SYT9: variants seen among roughly 807,000 people sequenced by gnomAD.
SYT9 encodes the protein synaptotagmin-9.
Under a neutral mutation model 48.4 loss-of-function variants are expected in SYT9, and 22 were observed. The ratio of observed to expected loss-of-function variants is 0.45; its 90% CI spans 0.32 to 0.65. The LOEUF (loss-of-function observed/expected upper bound fraction) is 0.65. SYT9 is among the 30% of genes least tolerant of loss of function. The probability of loss-of-function intolerance (pLI) is 0.03; values close to 1 mark genes in which losing one functional copy is unlikely to be tolerated. For synonymous variants in SYT9, 265 were observed against 245.0 expected, an observed-to-expected ratio of 1.08 and a Z score of -0.76; for missense variants, 577 against 622.0, an observed-to-expected ratio of 0.93 and a Z score of 0.77.
chr11:7,328,411 C>T (rs1166451378), intron 3 of SYT9, among the ~76,000 whole-genome samples: 1 of 151,996 alleles, frequency 6.6e-6, no homozygotes, highest in Non-Finnish European at 1.5e-5. Context: ...TTATAAGATA[C>T]AACCTCTGTT....
intron 3 of SYT9, among the ~76,000 whole-genome samples, chr11:7,360,520 A>T (rs947685107): frequency 3.3e-5 from 5 of 152,130 alleles, no homozygotes; most frequent in South Asian, 2.1e-4. Flanking sequence ...TATCCTCTTT[A>T]ATTTCATTGA....
intron 3 of SYT9, among the ~76,000 whole-genome samples, chr11:7,377,534 A>C (rs973510986): frequency 1.3e-5 from 2 of 152,134 alleles, no homozygotes; most frequent in Non-Finnish European, 2.9e-5. Flanking sequence ...GATTCAGTCA[A>C]GGTAGCTTCT....
intron 5 of SYT9, among the ~76,000 whole-genome samples, chr11:7,418,385 C>A (rs1217667514): frequency 1.3e-5 from 2 of 152,208 alleles, no homozygotes; most frequent in African/African-American, 2.4e-5. Flanking sequence ...CATCCTCCCC[C>A]AACCTCCACC....
At chr11:7,338,020 T>C (rs1849657129) in intron 3 of SYT9, among the ~76,000 whole-genome samples, 1 of 152,194 alleles carries the variant, frequency 6.6e-6, no homozygotes, top group Non-Finnish European at 1.5e-5. Context: ...AGGTTATTTA[T>C]TCTTGTTTCA....
chr11:7,465,416 TTA>T (rs1222154232), intron 6 of SYT9, among the ~76,000 whole-genome samples: 1 of 152,232 alleles, frequency 6.6e-6, no homozygotes, highest in Non-Finnish European at 1.5e-5. Flanking sequence ...TGCTACTCTT[TTA>T]TAGTTTACGT....
chr11:7,251,778 A>T (rs1011624585), upstream of SYT9, among the ~76,000 whole-genome samples: 1 of 152,220 alleles, frequency 6.6e-6, no homozygotes, highest in East Asian at 1.9e-4. Context: ...GCGCTCGGCC[A>T]GGAGCCGGGG....
At position 7,367,001 on chromosome 11, in the gene SYT9, C is replaced by G. The variant is rs186717036; in HGVS notation, c.1045-49041C>G. ...CTGATTCTCGTGGATATTCCATGCT[C>G]TGGTGTATACGAAGGTATAAAGAAG... On this transcript the variant is annotated intron_variant, in intron 3 of 6. Transcript: ENST00000318881. Among the ~76,000 whole-genome samples, 4 of 149,434 alleles carry G rather than the reference C, an allele frequency of 2.7e-5. No homozygotes were observed. The East Asian group carries it at 7.9e-4, about 29-fold the overall frequency.
At chr11:7,306,813 T>C (rs1849040964) in intron 2 of SYT9, among the ~76,000 whole-genome samples, 1 of 152,182 alleles carries the variant, frequency 6.6e-6, no homozygotes, top group African/African-American at 2.4e-5. Context: ...ATTAAATTAT[T>C]TTAAGTGATT....
intron 1 of SYT9, among the ~76,000 whole-genome samples, chr11:7,298,064 A>G (rs1240418325): frequency 6.6e-6 from 1 of 151,898 alleles, no homozygotes; most frequent in Non-Finnish European, 1.5e-5. Flanking sequence ...GTTCTAGGGG[A>G]CTTTGTTTTT....
intron 3 of SYT9, among the ~76,000 whole-genome samples, chr11:7,347,614 G>T (rs1479385857): frequency 6.6e-6 from 1 of 152,192 alleles, no homozygotes; most frequent in Non-Finnish European, 1.5e-5. Context: ...AAATAAGCAT[G>T]CTGTGGGAAC....
chr11:7,294,324 T>A (rs1345436613), intron 1 of SYT9, among the ~76,000 whole-genome samples: 1 of 152,200 alleles, frequency 6.6e-6, no homozygotes, highest in African/African-American at 2.4e-5. Flanking sequence ...GCAAACTACA[T>A]TCATTACATC....
Position 7,449,316 on chromosome 11 carries a change from C to T in SYT9, c.1468-17476C>T, listed in dbSNP as rs573064944. ...CCAGCCTGGGCAACAGAGTGAGACT[C>T]CACCTCAAAAAAAAAAAAAAAAAAA... On this transcript the variant is annotated intron_variant, in intron 6 of 6. Coordinates refer to ENST00000318881, the MANE Select transcript of SYT9 (RefSeq NM_175733.4). Among the ~76,000 whole-genome samples the T allele has an allele frequency of 9.1e-5, 11 of 121,216 alleles. No homozygotes were observed. In the East Asian group the frequency reaches 2.3e-3, roughly 25 times the overall value. The allele number at this position is 121,216 out of a possible 152,430, so 79.5% of individuals were successfully genotyped here. A position where few individuals can be genotyped will look rare whatever the true frequency, so the allele number is the denominator to read the frequency against.
chr11:7,368,343 G>T (rs1031137938), intron 3 of SYT9, among the ~76,000 whole-genome samples: 3 of 121,554 alleles, frequency 2.5e-5, no homozygotes, highest in Non-Finnish European at 5.2e-5. Flanking sequence ...TTGGATAATG[G>T]GGTTTTGTTG....
chr11:7,354,094 A>G (rs930149359), intron 3 of SYT9, among the ~76,000 whole-genome samples: 1 of 152,226 alleles, frequency 6.6e-6, no homozygotes, highest in Non-Finnish European at 1.5e-5. Context: ...GAATTAAAAG[A>G]GGGTACCTGT....
chr11:7,252,483 TG>T lies in SYT9; in HGVS notation c.145+154del. On this transcript the variant is annotated intron_variant, in intron 1 of 6. Transcript: ENST00000318881. This position sits in a 1 kb window ranked among gnomAD's most constrained non-coding sequence, Gnocchi z 6.3. ...AGAGTGATCAAGAACCAGCGCACTG[TG>T]GCCTGATGCTGTAACCAGGCGGGGA... The T allele has an allele frequency of 1.1e-6, 1 of 873,978 alleles. No homozygotes were observed. The highest frequency in any genetic ancestry group is 1.6e-6 in the Non-Finnish European group (1 of 643,720). 54.1% of individuals were successfully genotyped at this position (873,978 alleles called of 1,614,324 possible). A position where few individuals can be genotyped will look rare whatever the true frequency, so the allele number is the denominator to read the frequency against.
intron 1 of SYT9, among the ~76,000 whole-genome samples, chr11:7,241,373 C>T (rs911297867): frequency 5.3e-5 from 8 of 152,078 alleles, no homozygotes; most frequent in Admixed American, 5.2e-4. Context: ...TGGTAATAAA[C>T]AGCAATTATT....
intron 3 of SYT9, among the ~76,000 whole-genome samples, chr11:7,404,763 A>C (rs138418960): frequency 1.9e-4 from 29 of 152,320 alleles, no homozygotes; most frequent in Non-Finnish European, 4.0e-4. Flanking sequence ...ATTCCCGCAG[A>C]AATTTCTGAA....
chr11:7,434,639 G>C (rs1358873892), intron 6 of SYT9, among the ~76,000 whole-genome samples: 1 of 152,092 alleles, frequency 6.6e-6, no homozygotes, highest in South Asian at 2.1e-4. Flanking sequence ...AGTATGGCAG[G>C]GCAGCCAGCG....
chr11:7,364,103 A>G (rs1196047453), intron 3 of SYT9, among the ~76,000 whole-genome samples: 1 of 152,164 alleles, frequency 6.6e-6, no homozygotes, highest in African/African-American at 2.4e-5. Flanking sequence ...AGGACAGCAA[A>G]GATAATCCAC....
Sources: allele counts gnomAD v4.1 joint callset (sites outside exome capture counted in the v4.1 genomes callset), GRCh38; gene constraint gnomAD v4.1.1; non-coding constraint Gnocchi (gnomAD v3.1); transcripts MANE v1.5; gene names NCBI Gene and HGNC (gene_info 2026-07-23, HGNC 2026-07-21).